Variants in COL23A1 observed in about 807,000 individuals in gnomAD.
COL23A1 encodes the protein collagen type XXIII alpha 1 chain.
Under a neutral mutation model 99.3 loss-of-function variants are expected in COL23A1, and 97 were observed. The ratio of observed to expected loss-of-function variants is 0.98; its 90% CI spans 0.83 to 1.16. COL23A1 has a LOEUF of 1.16. Among genes scored for constraint, COL23A1 ranks in the 50% most tolerant of loss-of-function variants. The pLI is 0.00. For missense variants in COL23A1, 762 were observed against 757.4 expected (o/e 1.01, Z -0.07); for synonymous variants, 320 against 308.2 (o/e 1.04, Z -0.40).
At chr5:178,557,169 G>C (rs1367401300) in intron 2 of COL23A1, among the ~76,000 whole-genome samples, 1 of 152,102 alleles carries the variant, frequency 6.6e-6, no homozygotes, top group Non-Finnish European at 1.5e-5. Flanking sequence ...CACGCAGCAC[G>C]CCAATCCCCA....
chr5:178,352,290 T>C (rs1175498729), intron 2 of COL23A1: 1 of 152,188 alleles, frequency 6.6e-6, no homozygotes, highest in East Asian at 1.9e-4. Flanking sequence ...TTGGATCTTC[T>C]CTCTCTTAAA....
intron 2 of COL23A1, among the ~76,000 whole-genome samples, chr5:178,362,427 C>T (rs1442404641): frequency 6.6e-6 from 1 of 152,212 alleles, no homozygotes; most frequent in African/African-American, 2.4e-5. Context: ...GCTCACTTCA[C>T]CGAGGGGTGC....
rs1274875123 is a variant in COL23A1 at position 178,281,767 on chromosome 5, C to T, written c.441+6557G>A. Among the ~76,000 whole-genome samples the T allele has an allele frequency of 2.6e-5, 4 of 151,992 alleles. No homozygotes were observed. The highest frequency in any genetic ancestry group is 7.2e-5 in the African/African-American group (3 of 41,386). On this transcript the variant is annotated intron_variant, in intron 5 of 28. Transcript: ENST00000390654. This position sits in a 1 kb window ranked among gnomAD's most constrained non-coding sequence, Gnocchi z 4.0. Reference sequence around the variant, plus strand: ...TTATTTTTTAAAACAGACGGGGATTCGGCCAGGATTGGCAGCTCATGCCTG... The same window carrying T: ...TTATTTTTTAAAACAGACGGGGATTTGGCCAGGATTGGCAGCTCATGCCTG...
At chr5:178,358,198 CAT>C (rs1761868353) in intron 2 of COL23A1, among the ~76,000 whole-genome samples, 1 of 121,650 alleles carries the variant, frequency 8.2e-6, no homozygotes, top group Non-Finnish European at 1.7e-5. Context: ...TATGTGTGTG[CAT>C]GTGTACGTGT....
At position 178,560,684 on chromosome 5, in the gene COL23A1, G is replaced by C; in HGVS notation, c.359C>G (p.Pro120Arg). 2 of 1,612,250 alleles carry C rather than the reference G, an allele frequency of 1.2e-6. No homozygotes were observed. The highest frequency in any genetic ancestry group is 1.1e-5 in the South Asian group (1 of 90,646). ...REAPSECVCP[P>R]GPPGRRGKPG... ...AAGGGAGCTCAACCTTCACTTACCT[G>C]GGGGGCAGACACATTCGGATGGAGC... is the stretch of plus-strand genomic sequence containing the variant. Residue 120 changes from proline (P) to arginine (R), a missense_variant and splice_region_variant, in exon 2 of 29, where the codon CCA becomes CGA. Physicochemically the swap from Pro to Arg is moderately radical, Grantham distance 103 (BLOSUM62 -2). Coordinates refer to ENST00000390654, the MANE Select transcript of COL23A1 (RefSeq NM_173465.4).
chr5:178,245,255 CATCT>C (rs1355424204), intron 25 of COL23A1, among the ~76,000 whole-genome samples: 1 of 147,520 alleles, frequency 6.8e-6, no homozygotes, highest in African/African-American at 2.5e-5. Context: ...ATCCACTCAT[CATCT>C]ATCATCCATC....
At chr5:178,253,484 A>T (rs532168206) in intron 16 of COL23A1, among the ~76,000 whole-genome samples, 9 of 150,760 alleles carry the variant, frequency 6.0e-5, no homozygotes, top group African/African-American at 7.3e-5. Flanking sequence ...TTTATTTTTT[A>T]TTTTTTTTTT....
chr5:178,314,431 G>A (rs2973705), intron 2 of COL23A1, among the ~76,000 whole-genome samples: 78,675 of 151,934 alleles, frequency 0.52, 21,465 homozygotes, highest in Non-Finnish European at 0.62. Flanking sequence ...GACAGACCCC[G>A]ACCACCCCAG....
chr5:178,489,837 A>T (rs1373025420), intron 2 of COL23A1, among the ~76,000 whole-genome samples: 1 of 152,216 alleles, frequency 6.6e-6, no homozygotes, highest in South Asian at 2.1e-4. Context: ...TAACAGCACT[A>T]TTTACAATAC....
At chr5:178,393,742 T>C (rs1401438607) in intron 2 of COL23A1, among the ~76,000 whole-genome samples, 2 of 152,038 alleles carry the variant, frequency 1.3e-5, no homozygotes, top group South Asian at 4.2e-4. Flanking sequence ...CTCAAGCGAT[T>C]TTTCTGCCTC....
At chr5:178,288,701 G>C (rs905207883) in intron 4 of COL23A1, among the ~76,000 whole-genome samples, 5 of 152,198 alleles carry the variant, frequency 3.3e-5, no homozygotes, top group Non-Finnish European at 7.3e-5. Context: ...AACTGAAAAT[G>C]CTCCTTAAAC....
At chr5:178,424,541 A>C (rs1309718458) in intron 2 of COL23A1, among the ~76,000 whole-genome samples, 1 of 152,212 alleles carries the variant, frequency 6.6e-6, no homozygotes, top group Non-Finnish European at 1.5e-5. Flanking sequence ...AGCTGAACAA[A>C]GAGGGAGGCA....
rs1356893931 is a variant in COL23A1, at chr5:178,589,976, C to G, written c.222G>C (p.Leu74=). The G allele has an allele frequency of 1.3e-5, 17 of 1,334,440 alleles. No homozygotes were observed. Among genetic ancestry groups the G allele is most frequent in the Non-Finnish European group, 1.5e-5 (16 of 1,048,892 alleles). The allele number at this position is 1,334,440 out of a possible 1,614,324, so 82.7% of individuals were successfully genotyped here. The change falls in exon 1 of 29, where the codon CTG becomes CTC. Residue 74 remains leucine, a synonymous_variant. Coordinates refer to ENST00000390654, the MANE Select transcript of COL23A1 (RefSeq NM_173465.4). The surrounding 1 kb of genome is among the most constrained non-coding windows in gnomAD (Gnocchi z 5.4). ...CGCCTGGCGGCCCCGCGCGCCGCAG[C>G]AGCTCCCGCTCCTCCTCGAGCGCCG... ...RVAALEEERE[L]LRRAGPPGAL... is the part of the protein sequence containing the mutation.
chr5:178,358,614 T>C (rs1264959203), intron 2 of COL23A1, among the ~76,000 whole-genome samples: 3 of 120,460 alleles, frequency 2.5e-5, no homozygotes, highest in East Asian at 4.7e-4. Context: ...TGTATGCGTG[T>C]ATGTATGTGT....
intron 2 of COL23A1, among the ~76,000 whole-genome samples, chr5:178,486,544 A>AAC (rs1757640790): frequency 6.6e-6 from 1 of 152,000 alleles, no homozygotes; most frequent in Non-Finnish European, 1.5e-5. Flanking sequence ...GGAGGGTTGA[A>AAC]AAAAAGAAAC....
intron 2 of COL23A1, among the ~76,000 whole-genome samples, chr5:178,503,936 C>T (rs582115): frequency 0.61 from 93,146 of 152,006 alleles, 30,073 homozygotes; most frequent in Non-Finnish European, 0.72. Context: ...CTGTGTGTCT[C>T]TCCTTGGGAA....
intron 2 of COL23A1, among the ~76,000 whole-genome samples, chr5:178,400,959 T>C (rs528652226): frequency 1.3e-5 from 2 of 152,246 alleles, no homozygotes; most frequent in Admixed American, 1.3e-4. Context: ...TTTTAAATCA[T>C]CCCAAACAAA....
intron 2 of COL23A1, among the ~76,000 whole-genome samples, chr5:178,404,142 G>A (rs914462343): frequency 3.9e-5 from 6 of 152,212 alleles, no homozygotes; most frequent in African/African-American, 9.7e-5. Flanking sequence ...AGCCATTCGC[G>A]GAGCGCCTAC....
intron 2 of COL23A1, among the ~76,000 whole-genome samples, chr5:178,456,150 T>A (rs1767779788): frequency 1.3e-5 from 2 of 152,176 alleles, no homozygotes; most frequent in African/African-American, 4.8e-5. Flanking sequence ...GATCCTCAAG[T>A]CATATCCTTC....
Sources: gnomAD v4.1 joint callset for allele counts (sites outside exome capture counted in the v4.1 genomes callset) on GRCh38, gnomAD v4.1.1 for gene constraint, Gnocchi (gnomAD v3.1) non-coding constraint, MANE v1.5 for transcripts, NCBI Gene and HGNC (gene_info 2026-07-23, HGNC 2026-07-21) for gene names.